SYT6: variants seen among roughly 807,000 people sequenced by gnomAD.
SYT6 encodes the protein synaptotagmin-6.
SYT6 carries 24 observed loss-of-function variants against 38.4 expected under a neutral mutation model. The ratio of observed to expected loss-of-function variants is 0.62; its 90% CI spans 0.45 to 0.88. The LOEUF is 0.88. Ranked by LOEUF, SYT6 falls within the 40% of genes least tolerant of loss-of-function variation. The pLI is 0.00. For missense variants in SYT6, 611 were observed against 621.0 expected (o/e 0.98, Z 0.17); for synonymous variants, 265 against 241.9 (o/e 1.10, Z -0.89).
In SYT6 at chr1:114,137,820, C is replaced by T. The variant is rs139165674; in HGVS notation, c.746G>A (p.Arg249His). Residue 249 changes from arginine to histidine, a missense_variant, in exon 3 of 8, where the codon CGT becomes CAT. By Grantham distance (29) the Arg-to-His change is conservative. Transcript: ENST00000610222. ...YDYETETLIV[R>H]ILKAFDLPAK... The stretch of plus-strand genomic sequence containing the variant: ...AGGGAGGTCAAAAGCCTTCAGGATA[C>T]GCACAATCAGGGTCTCGGTCTCGTA... 2.8e-4 allele frequency: 445 copies of T among 1,613,990 alleles called. No individual in the cohort carries two copies. Among genetic ancestry groups the T allele is most frequent in the Admixed American group, 8.0e-4 (48 of 59,992 alleles).
chr1:114,120,885 G>T (rs2101039291), intron 3 of SYT6, among the ~76,000 whole-genome samples: 1 of 152,334 alleles, frequency 6.6e-6, no homozygotes, highest in East Asian at 1.9e-4. Context: ...TCACTGGAAA[G>T]ACACCCAGGG....
At chr1:114,121,652 T>C (rs903741634) in intron 3 of SYT6, among the ~76,000 whole-genome samples, 1 of 152,192 alleles carries the variant, frequency 6.6e-6, no homozygotes, top group African/African-American at 2.4e-5. Flanking sequence ...ATTAGTTATA[T>C]AGTGTGTAAG....
chr1:114,122,502 T>TGCGC (rs1389720529), intron 3 of SYT6, among the ~76,000 whole-genome samples: 20 of 102,252 alleles, frequency 2.0e-4, no homozygotes, highest in African/African-American at 7.5e-4. Flanking sequence ...TGTGTGTGTG[T>TGCGC]GTGTGCGCGC....
At chr1:114,103,535 C>G in intron 4 of SYT6, 66 bp downstream of exon 4, 1 of 1,595,300 alleles carries the variant, frequency 6.3e-7, no homozygotes, top group South Asian at 1.1e-5. Flanking sequence ...TTCTCCTTCT[C>G]CCCGAACACC....
rs551632114 is a variant in SYT6, at chr1:114,099,203, T to G, written c.1255A>C (p.Ile419Leu). 2.5e-6 allele frequency: 4 copies of G among 1,614,178 alleles called. No homozygotes were observed. The South Asian group carries it at 4.4e-5, about 18-fold the overall frequency. Residue 419 changes from isoleucine to leucine, a missense_variant, in exon 5 of 8, where the codon ATA (isoleucine) becomes CTA (leucine). Physicochemically the swap from Ile to Leu is conservative, Grantham distance 5 (BLOSUM62 2). Coordinates refer to ENST00000610222, the MANE Select transcript of SYT6 (RefSeq NM_001253772.2). ...ACAGGATTGAGAGTGTTTTTCTTTA[T>G]GGTTGTTTTCTTCTTCTTCAGCCTC... ...GRRLKKKKTT[I>L]KKNTLNPVYN...
chr1:114,125,459 CA>C (rs1677667440), intron 3 of SYT6, among the ~76,000 whole-genome samples: 1 of 152,100 alleles, frequency 6.6e-6, no homozygotes, highest in South Asian at 2.1e-4. Flanking sequence ...GGACTTTATC[CA>C]GAAAGGAAGA....
intron 1 of SYT6, among the ~76,000 whole-genome samples, chr1:114,153,218 C>A (rs1018025072): frequency 6.6e-6 from 1 of 152,212 alleles, no homozygotes; most frequent in Non-Finnish European, 1.5e-5. Context: ...AGGAGGCAAG[C>A]CCTATTCCTC....
chr1:114,103,103 G>A (rs1078108), intron 4 of SYT6, among the ~76,000 whole-genome samples: 45,323 of 152,136 alleles, frequency 0.3, 6,903 homozygotes, highest in East Asian at 0.39. Flanking sequence ...AATGCATTTT[G>A]CTTTTCAGTG....
At chr1:114,110,960 G>T (rs1170577058) in intron 3 of SYT6, among the ~76,000 whole-genome samples, 1 of 152,206 alleles carries the variant, frequency 6.6e-6, no homozygotes, top group Non-Finnish European at 1.5e-5. Context: ...TAGTTGGAAA[G>T]CCTCTTCTTC....
At chr1:114,129,914 G>T (rs1036283176) in intron 3 of SYT6, among the ~76,000 whole-genome samples, 6 of 151,144 alleles carry the variant, frequency 4.0e-5, no homozygotes, top group Non-Finnish European at 8.8e-5. Flanking sequence ...CAAAATCCTG[G>T]CCTCACATAA....
chr1:114,095,551 G>A (rs1373566117), intron 6 of SYT6, among the ~76,000 whole-genome samples: 1 of 152,194 alleles, frequency 6.6e-6, no homozygotes, highest in African/African-American at 2.4e-5. Flanking sequence ...GGGGGCTCAC[G>A]GGCCCAGCCA....
At chr1:114,129,591 TCTTTCTTTCTTTCTTTCTTTCTTTC>T (rs1450421241) in intron 3 of SYT6, among the ~76,000 whole-genome samples, 6 of 105,420 alleles carry the variant, frequency 5.7e-5, no homozygotes, top group South Asian at 4.3e-4. Context: ...TTTCTTTCTT[TCTTTCTTTCTTTCTTTCTTTCTTTC>T]CTTTCTTTCT....
At chr1:114,119,590 G>T (rs570743475) in intron 3 of SYT6, among the ~76,000 whole-genome samples, 1 of 152,152 alleles carries the variant, frequency 6.6e-6, no homozygotes, top group Non-Finnish European at 1.5e-5. Context: ...GAGATATTAC[G>T]TTAAAGAGTG....
chr1:114,113,949 T>C (rs1557743144), intron 3 of SYT6, among the ~76,000 whole-genome samples: 1 of 152,136 alleles, frequency 6.6e-6, no homozygotes, highest in African/African-American at 2.4e-5. Flanking sequence ...CTCTTCAGCC[T>C]CCCCCCGTGC....
intron 3 of SYT6, among the ~76,000 whole-genome samples, chr1:114,132,380 G>T (rs1286620508): frequency 6.6e-6 from 1 of 152,226 alleles, no homozygotes; most frequent in Non-Finnish European, 1.5e-5. Context: ...TAAGGAAAGA[G>T]TGGGGATGTC....
At chr1:114,113,540 T>C (rs953927679) in intron 3 of SYT6, among the ~76,000 whole-genome samples, 1 of 152,140 alleles carries the variant, frequency 6.6e-6, no homozygotes, top group African/African-American at 2.4e-5. Flanking sequence ...TCTCCTCTAA[T>C]TTTCCCCAAC....
intron 3 of SYT6, among the ~76,000 whole-genome samples, chr1:114,119,846 C>T (rs909003848): frequency 2.6e-5 from 4 of 152,082 alleles, no homozygotes; most frequent in Admixed American, 6.5e-5. Context: ...CGGAGGCAGG[C>T]GGATCACGAG....
At chr1:114,133,482 G>A (rs1678281920) in intron 3 of SYT6, among the ~76,000 whole-genome samples, 1 of 152,174 alleles carries the variant, frequency 6.6e-6, no homozygotes, top group South Asian at 2.1e-4. Flanking sequence ...GGGGGCAGAA[G>A]ATGCTAGGAG....
intron 3 of SYT6, among the ~76,000 whole-genome samples, chr1:114,123,842 C>G: frequency 6.6e-6 from 1 of 152,226 alleles, no homozygotes; most frequent in East Asian, 1.9e-4. Flanking sequence ...CCCAGGTGGC[C>G]AGGACACTTG....
Sources: allele counts gnomAD v4.1 joint callset (sites outside exome capture counted in the v4.1 genomes callset), GRCh38; gene constraint gnomAD v4.1.1; transcripts MANE v1.5; gene names NCBI Gene and HGNC (gene_info 2026-07-23, HGNC 2026-07-21).